EIPR1: variants seen among roughly 807,000 people sequenced by gnomAD.
EIPR1 encodes EARP and GARP complex-interacting protein 1.
EIPR1 carries 25 observed loss-of-function variants against 48.1 expected under a neutral mutation model. That is an observed-to-expected ratio of 0.52 (90% CI 0.38 to 0.73). The LOEUF (loss-of-function observed/expected upper bound fraction) is 0.73, where lower values mean the gene tolerates loss of function less well. Among genes scored for constraint, EIPR1 ranks in the 30% least tolerant of loss-of-function variants. EIPR1 has a pLI of 0.00. For synonymous variants in EIPR1, 204 were observed against 201.9 expected (o/e 1.01, Z -0.09); for missense variants, 415 against 506.2 (o/e 0.82, Z 1.73).
At chr2:3,306,882 C>CA (rs975947836) in intron 3 of EIPR1, among the ~76,000 whole-genome samples, 3 of 152,022 alleles carry the variant, frequency 2.0e-5, no homozygotes, top group East Asian at 1.9e-4. Context: ...GTTATAGAGT[C>CA]AAAAAAGAGA....
At chr2:3,360,617 C>T (rs1670829373) in intron 1 of EIPR1, among the ~76,000 whole-genome samples, 1 of 152,160 alleles carries the variant, frequency 6.6e-6, no homozygotes, top group African/African-American at 2.4e-5. Flanking sequence ...TAACTGAGCA[C>T]ACACCATTCC....
intron 1 of EIPR1, among the ~76,000 whole-genome samples, chr2:3,374,110 C>G (rs1485472551): frequency 7.4e-5 from 11 of 148,452 alleles, no homozygotes; most frequent in Admixed American, 3.4e-4. Flanking sequence ...ACAAACCTGA[C>G]AAAAACAAGC....
At chr2:3,220,327 GAC>G (rs1326213005) in intron 4 of EIPR1, among the ~76,000 whole-genome samples, 2 of 148,486 alleles carry the variant, frequency 1.3e-5, no homozygotes, top group African/African-American at 5.0e-5. Flanking sequence ...GTGAGTCGGG[GAC>G]ACACGCACAC....
intron 3 of EIPR1, among the ~76,000 whole-genome samples, chr2:3,264,519 T>C (rs918541912): frequency 6.6e-6 from 1 of 152,248 alleles, no homozygotes. Flanking sequence ...GCTAGGGAAG[T>C]GTCAAAGGCA....
intron 3 of EIPR1, among the ~76,000 whole-genome samples, chr2:3,263,520 G>A (rs1426423153): frequency 1.3e-5 from 2 of 152,204 alleles, no homozygotes; most frequent in African/African-American, 4.8e-5. Flanking sequence ...AATCAGAGAA[G>A]CCACAGAACT....
intron 2 of EIPR1, among the ~76,000 whole-genome samples, chr2:3,351,203 G>C (rs1402810357): frequency 1.3e-5 from 2 of 152,174 alleles, no homozygotes; most frequent in African/African-American, 4.8e-5. Context: ...GTTTCACCAT[G>C]TTGGCCAGGC....
At chr2:3,206,560 T>C (rs950015506) in intron 5 of EIPR1, among the ~76,000 whole-genome samples, 1 of 152,244 alleles carries the variant, frequency 6.6e-6, no homozygotes, top group Non-Finnish European at 1.5e-5. Context: ...AACTTATTTT[T>C]AGTTTATTTC....
At chr2:3,244,355 T>A (rs1254646718) in intron 4 of EIPR1, among the ~76,000 whole-genome samples, 2 of 152,302 alleles carry the variant, frequency 1.3e-5, no homozygotes, top group East Asian at 3.9e-4. Context: ...ACATGCAGGG[T>A]TAGTATACCT....
chr2:3,319,480 A>T (rs1467200535), intron 3 of EIPR1: 1 of 162,668 alleles, frequency 6.1e-6, no homozygotes, highest in Non-Finnish European at 1.3e-5. Flanking sequence ...TCATGTATAA[A>T]ATAAGGATGA....
At chr2:3,255,836 T>A (rs1667138986) in intron 4 of EIPR1, among the ~76,000 whole-genome samples, 1 of 152,178 alleles carries the variant, frequency 6.6e-6, no homozygotes, top group African/African-American at 2.4e-5. Context: ...CACATACGTG[T>A]GCACAGAGAC....
chr2:3,230,106 T>C (rs1037102014), intron 4 of EIPR1, among the ~76,000 whole-genome samples: 2 of 152,192 alleles, frequency 1.3e-5, no homozygotes, highest in African/African-American at 4.8e-5. Flanking sequence ...GTTCTCAGTG[T>C]ACAGGTGTTT....
At chr2:3,253,064 GA>G in intron 4 of EIPR1, among the ~76,000 whole-genome samples, 1 of 152,156 alleles carries the variant, frequency 6.6e-6, no homozygotes, top group East Asian at 1.9e-4. Context: ...AGTCTGATAG[GA>G]AACATTTTAT....
intron 5 of EIPR1, among the ~76,000 whole-genome samples, chr2:3,205,461 CAT>C (rs1665197754): frequency 6.6e-6 from 1 of 152,236 alleles, no homozygotes; most frequent in Non-Finnish European, 1.5e-5. Context: ...AAAGCAGTCA[CAT>C]GTGGATATGG....
chr2:3,313,392 G>A (rs1242294614), intron 3 of EIPR1, among the ~76,000 whole-genome samples: 1 of 151,500 alleles, frequency 6.6e-6, no homozygotes, highest in African/African-American at 2.4e-5. Context: ...GGTTCAAGGC[G>A]CACAGACCTG....
chr2:3,334,588 C>T (rs987971919), intron 3 of EIPR1, among the ~76,000 whole-genome samples: 7 of 152,218 alleles, frequency 4.6e-5, no homozygotes, highest in African/African-American at 1.2e-4. Flanking sequence ...TGAGACGTGG[C>T]GCCGTGTGTG....
intron 2 of EIPR1, among the ~76,000 whole-genome samples, chr2:3,351,211 G>A (rs1670567838): frequency 6.6e-6 from 1 of 152,156 alleles, no homozygotes; most frequent in Admixed American, 6.5e-5. Context: ...ATGTTGGCCA[G>A]GCTGGTCTTG....
At chr2:3,308,407 T>C (rs181760824) in intron 3 of EIPR1, among the ~76,000 whole-genome samples, 3 of 152,126 alleles carry the variant, frequency 2.0e-5, no homozygotes, top group East Asian at 3.9e-4. Context: ...ACCAAATGGA[T>C]GAGTTCAATA....
At chr2:3,247,372 TC>T (rs149367171) in intron 4 of EIPR1, among the ~76,000 whole-genome samples, 8 of 152,262 alleles carry the variant, frequency 5.3e-5, no homozygotes, top group Non-Finnish European at 1.0e-4. Context: ...AGCCTCTTTA[TC>T]ATCAAAGGGC....
Position 3,257,311 on chromosome 2 carries a change from C to T in EIPR1, c.404G>A (p.Gly135Asp). The T allele has an allele frequency of 1.2e-6, 2 of 1,613,768 alleles. No individual in the cohort carries two copies. The highest frequency in any genetic ancestry group is 1.7e-6 in the Non-Finnish European group (2 of 1,179,712). ...TGCAAAATCCTACCAGGCCATGTTG[C>T]CATGGGCTGTGTTGTCAAGGTGACA... is the stretch of plus-strand genomic sequence containing the variant. ...LLCHLDNTAH[G>D]NMACVVWEPM... Residue 135 changes from glycine (G) to aspartate (D), a missense_variant, in exon 4 of 9, where the codon GGC becomes GAC. By Grantham distance (94) the Gly-to-Asp change is moderately conservative. Transcript: ENST00000382125.
Sources: allele counts gnomAD v4.1 joint callset (sites outside exome capture counted in the v4.1 genomes callset), GRCh38; gene constraint gnomAD v4.1.1; transcripts MANE v1.5; gene names NCBI Gene and HGNC (gene_info 2026-07-23, HGNC 2026-07-21).